PTPRC: variants seen among roughly 807,000 people sequenced by gnomAD.
PTPRC encodes the protein protein tyrosine phosphatase receptor type C.
PTPRC carries 44 observed loss-of-function variants against 155.9 expected under a neutral mutation model. That is an observed-to-expected ratio of 0.28 (90% CI 0.22 to 0.36). The LOEUF (loss-of-function observed/expected upper bound fraction) is 0.36, where lower values mean the gene tolerates loss of function less well. Among genes scored for constraint, PTPRC ranks in the 10% least tolerant of loss-of-function variants. PTPRC has a pLI of 1.00. For missense variants in PTPRC, 1,401 were observed against 1,564.6 expected, an observed-to-expected ratio of 0.90 and a Z score of 1.76; for synonymous variants, 525 against 533.1, an observed-to-expected ratio of 0.98 and a Z score of 0.21.
In PTPRC at chr1:198,734,436, A is replaced by G; in HGVS notation, c.2277+11A>G. ...GAAGAAGGAAACAGGGTAAGAACCA[A>G]GAAGATTCATAGTGTGGGTCTTGGG... On this transcript the variant is annotated intron_variant, in intron 22 of 32. Transcript: ENST00000442510. 2 of 1,608,540 alleles carry G rather than the reference A, an allele frequency of 1.2e-6. No individual in the cohort carries two copies. The highest frequency in any genetic ancestry group is 2.2e-5 in the East Asian group (1 of 44,706).
chr1:198,702,628 T>G, intron 6 of PTPRC, 98 bp downstream of exon 6: 4 of 1,511,200 alleles, frequency 2.6e-6, no homozygotes, highest in Non-Finnish European at 3.7e-6. Context: ...CAGATATTAT[T>G]TGTAGGTTTC....
intron 2 of PTPRC, among the ~76,000 whole-genome samples, chr1:198,670,050 A>G (rs1023695556): frequency 2.6e-5 from 4 of 152,162 alleles, no homozygotes; most frequent in African/African-American, 7.2e-5. Context: ...TGAAGCATGT[A>G]AGTATTACTA....
At chr1:198,693,841 C>G (rs373314195) in intron 3 of PTPRC, among the ~76,000 whole-genome samples, 3 of 152,110 alleles carry the variant, frequency 2.0e-5, no homozygotes, top group African/African-American at 7.2e-5. Flanking sequence ...TTCTCCCTAC[C>G]CCTGGGACTG....
chr1:198,748,089 GT>G lies in PTPRC; in HGVS notation c.2848-4del, dbSNP rs57296163. The G allele has an allele frequency of 0.071, 102,730 of 1,445,094 alleles. 240 individuals are homozygous for G. Among genetic ancestry groups the G allele is most frequent in the African/African-American group, 0.089 (5,767 of 64,958 alleles). The allele number at this position is 1,445,094 out of a possible 1,614,324, so 89.5% of individuals were successfully genotyped here. A position where few individuals can be genotyped will look rare whatever the true frequency, so the allele number is the denominator to read the frequency against. On this transcript the variant is annotated intron_variant, in intron 26 of 32. Transcript: ENST00000442510. The stretch of plus-strand genomic sequence containing the variant: ...ATTTACATTTTAAAGGAGTTTTTCT[GT>G]TTTTTTTTTTTTTTTCAGAGACTTC...
Position 198,752,290 on chromosome 1 carries a change from T to C in PTPRC, c.3249T>C (p.Tyr1083=), listed in dbSNP as rs761343220. 1.6e-5 allele frequency: 25 copies of C among 1,611,446 alleles called. No individual in the cohort carries two copies. The East Asian group carries it at 5.6e-4, about 36-fold the overall frequency. The change falls in exon 30 of 33, where the codon TAT becomes TAC. Residue 1083 remains tyrosine, a synonymous_variant. Transcript: ENST00000442510. ...ACTGGGGAGAAGGAAAGCAAACATA[T>C]GGAGATATTGAAGTTGACCTGAAAG... The part of the protein sequence containing the change: ...AQYWGEGKQT[Y]GDIEVDLKDT...
intron 23 of PTPRC, among the ~76,000 whole-genome samples, chr1:198,740,546 C>T (rs1208685303): frequency 6.6e-6 from 1 of 151,696 alleles, no homozygotes; most frequent in Non-Finnish European, 1.5e-5. Flanking sequence ...TGCATCATTA[C>T]ACTCAAGCCT....
intron 16 of PTPRC, among the ~76,000 whole-genome samples, chr1:198,728,868 A>C (rs1469672058): frequency 6.6e-6 from 1 of 152,074 alleles, no homozygotes; most frequent in African/African-American, 2.4e-5. Context: ...TACTTATGTG[A>C]GTTTAGCAGA....
intron 11 of PTPRC, among the ~76,000 whole-genome samples, chr1:198,710,534 CT>C (rs1653245705): frequency 6.6e-6 from 1 of 152,196 alleles, no homozygotes; most frequent in Non-Finnish European, 1.5e-5. Flanking sequence ...ATATTGCCAT[CT>C]TAACCATGTT....
chr1:198,681,357 T>C (rs1011815608), intron 2 of PTPRC, among the ~76,000 whole-genome samples: 4 of 152,198 alleles, frequency 2.6e-5, no homozygotes, highest in South Asian at 4.1e-4. Flanking sequence ...TTTCTACACA[T>C]GTCTGTTTTT....
chr1:198,741,734 G>A (rs1319763268), intron 23 of PTPRC, 135 bp from the exon 24 acceptor site: 6 of 864,670 alleles, frequency 6.9e-6, no homozygotes, highest in Non-Finnish European at 8.9e-6. Context: ...TAAGACACCT[G>A]AGGAAACTAT....
At chr1:198,718,752 C>T (rs1653728894) in intron 14 of PTPRC, among the ~76,000 whole-genome samples, 1 of 152,108 alleles carries the variant, frequency 6.6e-6, no homozygotes, top group African/African-American at 2.4e-5. Context: ...TTAAAACACT[C>T]ATTATCTCAC....
intron 20 of PTPRC, among the ~76,000 whole-genome samples, chr1:198,733,735 A>G (rs1654500701): frequency 1.3e-5 from 2 of 151,832 alleles, no homozygotes; most frequent in African/African-American, 4.8e-5. Flanking sequence ...ATATTCCAGC[A>G]GAAGTTAAGA....
Position 198,752,724 on chromosome 1 carries a change from C to T in PTPRC, c.3461C>T (p.Ser1154Phe), listed in dbSNP as rs745452331. Residue 1154 changes from serine (S) to phenylalanine (F), a missense_variant, in exon 31 of 33, where the codon TCT becomes TTT. Transcript: ENST00000442510. ...VKQKLPQKNSSEGNKHHKSTP... is the reference protein window; with the variant it reads ...VKQKLPQKNSFEGNKHHKSTP... ...CAAAAACTTCCCCAGAAGAATTCCT[C>T]TGAAGGGAACAAGCATCACAAGAGT... 1 of 1,612,806 alleles carries T rather than the reference C, an allele frequency of 6.2e-7. No homozygotes were observed. The highest frequency in any genetic ancestry group is 8.5e-7 in the Non-Finnish European group (1 of 1,179,378).
At chr1:198,719,597 TG>T (rs1653780292) in intron 14 of PTPRC, among the ~76,000 whole-genome samples, 1 of 151,958 alleles carries the variant, frequency 6.6e-6, no homozygotes, top group Admixed American at 6.6e-5. Context: ...TGTTTTGTTT[TG>T]TTTGTTTGTT....
chr1:198,639,176 T>C (rs1662429252), intron 1 of PTPRC, 39 bp downstream of exon 1: 1 of 1,041,916 alleles, frequency 9.6e-7, no homozygotes, highest in Non-Finnish European at 1.5e-6. Context: ...TTTTGATTCG[T>C]TTTTACAGAG....
rs1430240323 is a variant in PTPRC at position 198,742,371 on chromosome 1, T to C, written c.2697+4T>C. 6 of 1,611,780 alleles carry C rather than the reference T, an allele frequency of 3.7e-6. No homozygotes were observed. The highest frequency in any genetic ancestry group is 3.3e-5 in the Admixed American group (2 of 59,808). ...ATGCCTGATGGTTCAAGTAGAGGTATGTTCTAACCTTTAGTGATTATTCTC... is the reference window on the plus strand; with the variant it reads ...ATGCCTGATGGTTCAAGTAGAGGTACGTTCTAACCTTTAGTGATTATTCTC... On this transcript the variant is annotated splice_donor_region_variant and intron_variant, in intron 25 of 32. Transcript: ENST00000442510.
chr1:198,682,077 A>G (rs1665367151), intron 2 of PTPRC, among the ~76,000 whole-genome samples: 1 of 152,254 alleles, frequency 6.6e-6, no homozygotes, highest in Non-Finnish European at 1.5e-5. Context: ...AGAAGAAACC[A>G]CAAGAGCAGT....
intron 2 of PTPRC, among the ~76,000 whole-genome samples, chr1:198,674,303 A>G (rs1664815794): frequency 6.6e-6 from 1 of 152,124 alleles, no homozygotes; most frequent in South Asian, 2.1e-4. Context: ...TAAATTCACA[A>G]CTAGTGAGTG....
chr1:198,660,817 T>C (rs1464315587), intron 2 of PTPRC: 1 of 152,156 alleles, frequency 6.6e-6, no homozygotes, highest in Non-Finnish European at 1.5e-5. Flanking sequence ...AAATGCATTA[T>C]ATTCTTGCAC....
Sources: gnomAD v4.1 joint callset for allele counts (sites outside exome capture counted in the v4.1 genomes callset) on GRCh38, gnomAD v4.1.1 for gene constraint, MANE v1.5 for transcripts, NCBI Gene and HGNC (gene_info 2026-07-23, HGNC 2026-07-21) for gene names.